The following CLEC16A variants were observed in gnomAD, a reference collection of about 807,000 sequenced individuals.
CLEC16A encodes the protein protein CLEC16A.
In CLEC16A, 51 loss-of-function variants were observed where a neutral mutation model predicts 109.5. The ratio of observed to expected loss-of-function variants is 0.47; its 90% CI spans 0.37 to 0.59. CLEC16A has a LOEUF of 0.59. Ranked by LOEUF, CLEC16A falls within the 20% of genes least tolerant of loss-of-function variation. CLEC16A has a pLI of 0.00. For missense variants in CLEC16A, 1,339 were observed against 1,394.0 expected, an observed-to-expected ratio of 0.96 and a Z score of 0.63; for synonymous variants, 673 against 564.2, an observed-to-expected ratio of 1.19 and a Z score of -2.73.
intron 13 of CLEC16A, among the ~76,000 whole-genome samples, chr16:11,030,487 T>C (rs1416091189): frequency 6.6e-6 from 1 of 152,248 alleles, no homozygotes; most frequent in African/African-American, 2.4e-5. Context: ...TGGTATCTTA[T>C]GATCTTAATT....
intron 19 of CLEC16A, among the ~76,000 whole-genome samples, chr16:11,067,189 G>T (rs1027783896): frequency 1.9e-3 from 188 of 98,912 alleles, no homozygotes; most frequent in Non-Finnish European, 2.2e-3. Context: ...GTTTGTTTTT[G>T]TTTTTTTTTT....
intron 19 of CLEC16A, among the ~76,000 whole-genome samples, chr16:11,077,964 C>CGTGT (rs34576806): frequency 0.037 from 4,967 of 135,550 alleles, 136 homozygotes; most frequent in African/African-American, 0.065. Flanking sequence ...CAAAAAAAAA[C>CGTGT]GTGTGTGTGT....
intron 19 of CLEC16A, among the ~76,000 whole-genome samples, chr16:11,097,389 G>T (rs1029662791): frequency 1.3e-5 from 2 of 152,130 alleles, no homozygotes; most frequent in African/African-American, 4.8e-5. Flanking sequence ...TGTTTTGGGG[G>T]CCTCTGTAAG....
chr16:11,173,482 G>T (rs897808271), intron 23 of CLEC16A, among the ~76,000 whole-genome samples: 3 of 88,414 alleles, frequency 3.4e-5, no homozygotes, highest in African/African-American at 1.6e-4. Context: ...TCCTGCTGTG[G>T]TTCAGTCTTG....
intron 22 of CLEC16A, among the ~76,000 whole-genome samples, chr16:11,141,805 C>T (rs143927107): frequency 7.2e-5 from 11 of 152,312 alleles, no homozygotes; most frequent in Non-Finnish European, 1.5e-4. Flanking sequence ...CTGAGAACGG[C>T]GCTGCCTCTG....
chr16:10,984,733 C>T (rs1483182181), intron 10 of CLEC16A, among the ~76,000 whole-genome samples: 3 of 152,224 alleles, frequency 2.0e-5, no homozygotes, highest in Admixed American at 6.5e-5. Context: ...CTTAAACTAG[C>T]GTTTGCTAAA....
At chr16:11,105,178 A>C (rs1284815253) in intron 19 of CLEC16A, among the ~76,000 whole-genome samples, 3 of 152,200 alleles carry the variant, frequency 2.0e-5, no homozygotes, top group South Asian at 4.1e-4. Flanking sequence ...AGCAGAGATA[A>C]GTGTGGTCAC....
intron 22 of CLEC16A, among the ~76,000 whole-genome samples, chr16:11,138,042 C>T (rs1391348399): frequency 2.0e-5 from 3 of 152,220 alleles, no homozygotes; most frequent in South Asian, 2.1e-4. Flanking sequence ...GGCCAGGGTA[C>T]GGGACCGCCT....
intron 19 of CLEC16A, among the ~76,000 whole-genome samples, chr16:11,110,324 A>G (rs2051498347): frequency 6.6e-6 from 1 of 152,168 alleles, no homozygotes; most frequent in Non-Finnish European, 1.5e-5. Flanking sequence ...ATGCTTCAAC[A>G]CAGTCAAGAA....
intron 1 of CLEC16A, among the ~76,000 whole-genome samples, chr16:10,950,332 A>G (rs983727277): frequency 6.6e-6 from 1 of 152,226 alleles, no homozygotes. Context: ...CAATCAACAA[A>G]TATTTGTCAC....
At chr16:10,987,338 AAAGC>A (rs1454056018) in intron 10 of CLEC16A, among the ~76,000 whole-genome samples, 2 of 152,180 alleles carry the variant, frequency 1.3e-5, no homozygotes, top group African/African-American at 2.4e-5. Context: ...TGTTTGAGCA[AAAGC>A]AAACTGCGGG....
In CLEC16A at chr16:11,051,551, C is replaced by T. The variant is rs200770146; in HGVS notation, c.1905C>T (p.Ala635=). The stretch of plus-strand genomic sequence containing the variant: ...ACGTGGAATATCTCATGATGGACGC[C>T]TCCATCCTGCTGCCCCCAACAGGCA... ...PMNVEYLMMD[A]SILLPPTGTP... The change falls in exon 18 of 24, where the codon GCC becomes GCT. Residue 635 remains alanine (A), a synonymous_variant. Coordinates refer to ENST00000409790, the MANE Select transcript of CLEC16A (RefSeq NM_015226.3). 2.4e-5 allele frequency: 39 copies of T among 1,614,002 alleles called. No homozygotes were observed. In the South Asian group the frequency reaches 3.7e-4, roughly 15 times the overall value.
chr16:10,984,561 G>A (rs1028700848), intron 10 of CLEC16A, among the ~76,000 whole-genome samples: 7 of 152,174 alleles, frequency 4.6e-5, no homozygotes, highest in South Asian at 2.1e-4. Context: ...TCTTATAAGC[G>A]CTCTAAAGGG....
rs771928125 is a variant in CLEC16A, at chr16:10,954,156, A to C, written c.81-3626A>C. ...CCAGGGCAAAGAACACCAAGTATTGAGAGGCCAAGAAACAAATGGAGTTCT... is the reference window on the plus strand; with the variant it reads ...CCAGGGCAAAGAACACCAAGTATTGCGAGGCCAAGAAACAAATGGAGTTCT... On this transcript the variant is annotated intron_variant, in intron 1 of 23. Transcript: ENST00000409790. This position sits in a 1 kb window ranked among gnomAD's most constrained non-coding sequence, Gnocchi z 4.2. 9.2e-5 allele frequency among the ~76,000 whole-genome samples: 14 copies of C among 152,186 alleles called. No homozygotes were observed. Among genetic ancestry groups the C allele is most frequent in the Non-Finnish European group, 1.5e-4 (10 of 68,020 alleles).
chr16:11,093,152 C>T (rs1335527170), intron 19 of CLEC16A, among the ~76,000 whole-genome samples: 1 of 152,232 alleles, frequency 6.6e-6, no homozygotes, highest in Non-Finnish European at 1.5e-5. Flanking sequence ...TGGGGCATCA[C>T]ATGGTGTGCA....
intron 22 of CLEC16A, chr16:11,126,631 T>C (rs953476321): frequency 7.8e-6 from 2 of 257,582 alleles, no homozygotes; most frequent in African/African-American, 4.5e-5. Context: ...CCACAGCTCA[T>C]CTCTAACCCT....
chr16:11,044,448 C>G (rs2047525080), intron 16 of CLEC16A, among the ~76,000 whole-genome samples: 1 of 151,810 alleles, frequency 6.6e-6, no homozygotes, highest in African/African-American at 2.4e-5. Context: ...TATAAAATTA[C>G]TTATGAATTA....
At chr16:10,960,662 G>T (rs1001029670) in intron 2 of CLEC16A, among the ~76,000 whole-genome samples, 5 of 152,132 alleles carry the variant, frequency 3.3e-5, no homozygotes, top group Admixed American at 3.3e-4. Flanking sequence ...GGGGGTGGGG[G>T]TTAAGGTCTA....
chr16:11,071,863 G>A (rs537111778), intron 19 of CLEC16A, among the ~76,000 whole-genome samples: 6 of 150,992 alleles, frequency 4.0e-5, no homozygotes, highest in Admixed American at 3.3e-4. Flanking sequence ...AAGTAGCTGG[G>A]ACTACAGGCA....
Sources: allele counts gnomAD v4.1 joint callset (sites outside exome capture counted in the v4.1 genomes callset), GRCh38; gene constraint gnomAD v4.1.1; non-coding constraint Gnocchi (gnomAD v3.1); transcripts MANE v1.5; gene names NCBI Gene and HGNC (gene_info 2026-07-23, HGNC 2026-07-21).